MYO19: variants seen among roughly 807,000 people sequenced by gnomAD.
The protein encoded by MYO19 is unconventional myosin-XIX.
A neutral mutation model predicts 129.2 loss-of-function variants in MYO19; 132 were observed. The observed-to-expected ratio is 1.02, with a 90% CI of 0.89 to 1.18. MYO19 has a LOEUF of 1.18. MYO19 is among the 50% of genes most tolerant of loss of function. The pLI is 0.00. For synonymous variants in MYO19, 531 were observed against 477.2 expected, an observed-to-expected ratio of 1.11 and a Z score of -1.47; for missense variants, 1,210 against 1,216.7, an observed-to-expected ratio of 0.99 and a Z score of 0.08.
intron 6 of MYO19, among the ~76,000 whole-genome samples, chr17:36,524,694 T>C (rs934871185): frequency 2.0e-5 from 3 of 152,198 alleles, no homozygotes; most frequent in African/African-American, 7.2e-5. Flanking sequence ...ATAAACTTTT[T>C]CCCACAAGAA....
intron 3 of MYO19, 117 bp from the exon 4 acceptor site, chr17:36,528,319 T>G (rs777434232): frequency 8.4e-5 from 89 of 1,064,416 alleles, no homozygotes; most frequent in Non-Finnish European, 1.1e-4. Flanking sequence ...CCATCCTGGT[T>G]AACACGGTGA....
At chr17:36,510,404 G>A (rs943996405) in intron 13 of MYO19, among the ~76,000 whole-genome samples, 3 of 152,242 alleles carry the variant, frequency 2.0e-5, no homozygotes, top group Non-Finnish European at 4.4e-5. Context: ...AACTGCGAAG[G>A]CTCTAGATCA....
At chr17:36,535,595 A>C (rs1358797878), upstream of MYO19, 1 of 152,232 alleles carries the variant, frequency 6.6e-6, no homozygotes, top group African/African-American at 2.4e-5. Context: ...CATTTGGAGT[A>C]CGTGAGGTAT....
intron 6 of MYO19, among the ~76,000 whole-genome samples, chr17:36,517,175 T>C (rs964068868): frequency 1.3e-5 from 2 of 152,368 alleles, no homozygotes; most frequent in Non-Finnish European, 1.5e-5. Flanking sequence ...AAGATCTATA[T>C]TGATGTCTAC....
chr17:36,523,858 A>G (rs899539261), intron 6 of MYO19, among the ~76,000 whole-genome samples: 3 of 152,246 alleles, frequency 2.0e-5, no homozygotes, highest in Admixed American at 1.3e-4. Flanking sequence ...ATAAACTGAT[A>G]AAAGATGTGC....
chr17:36,530,526 G>C (rs1041324387), intron 3 of MYO19, among the ~76,000 whole-genome samples: 1 of 142,408 alleles, frequency 7.0e-6, no homozygotes, highest in Admixed American at 7.6e-5. Context: ...GCGCGATCTC[G>C]ACTCACTGCA....
intron 2 of MYO19, chr17:36,533,288 T>C (rs1005281934): frequency 6.6e-6 from 1 of 152,246 alleles, no homozygotes; most frequent in East Asian, 1.9e-4. Context: ...CTGTTAGCAC[T>C]ACGACTAAGG....
chr17:36,531,088 CAAAAATTAT>C (rs2073807670), intron 3 of MYO19, among the ~76,000 whole-genome samples: 1 of 150,698 alleles, frequency 6.6e-6, no homozygotes, highest in Admixed American at 6.6e-5. Context: ...AATAAATAAA[CAAAAATTAT>C]TAAAAAAAAT....
At chr17:36,523,630 G>A (rs2073283038) in intron 6 of MYO19, among the ~76,000 whole-genome samples, 1 of 152,098 alleles carries the variant, frequency 6.6e-6, no homozygotes, top group South Asian at 2.1e-4. Flanking sequence ...TATATTATAT[G>A]GCTCTGCTAT....
chr17:36,538,641 A>G, upstream of MYO19: 5 of 1,491,634 alleles, frequency 3.4e-6, no homozygotes, highest in Non-Finnish European at 4.6e-6. Context: ...ATATATAAGT[A>G]TTTGGGCAAT....
intron 11 of MYO19, chr17:36,512,643 C>T: frequency 7.8e-7 from 1 of 1,288,756 alleles, no homozygotes; most frequent in Non-Finnish European, 1.0e-6. Context: ...TACTGTCCTT[C>T]TGTCAAGTTC....
At position 36,499,664 on chromosome 17, in the gene MYO19, C is replaced by CTTTTTTTTTTTTTTTTTTTTTTTTTTTTT. The variant is rs879079228; in HGVS notation, c.2378-533_2378-505dup. 13 of 62,632 alleles carry CTTTTTTTTTTTTTTTTTTTTTTTTTTTTT rather than the reference C, an allele frequency of 2.1e-4. 3 individuals are homozygous for CTTTTTTTTTTTTTTTTTTTTTTTTTTTTT. Among genetic ancestry groups the CTTTTTTTTTTTTTTTTTTTTTTTTTTTTT allele is most frequent in the African/African-American group, 3.4e-4 (5 of 14,702 alleles). 3.9% of individuals were successfully genotyped at this position (62,632 alleles called of 1,614,324 possible). On this transcript the variant is annotated intron_variant, in intron 23 of 25. Coordinates refer to ENST00000614623, the MANE Select transcript of MYO19 (RefSeq NM_001163735.2). ...CAGCATATTCTTTTTCTTTTTGTTT[C>CTTTTTTTTTTTTTTTTTTTTTTTTTTTTT]TTTTTTTTTTTTTTTTTTTTTTTTT... is the stretch of plus-strand genomic sequence containing the variant.
At chr17:36,521,751 G>A (rs538999970) in intron 6 of MYO19, among the ~76,000 whole-genome samples, 54 of 152,158 alleles carry the variant, frequency 3.5e-4, no homozygotes, top group African/African-American at 1.1e-3. Context: ...ATAAAACCTC[G>A]GCCAGGCACA....
chr17:36,501,157 T>G lies in MYO19; in HGVS notation c.2159A>C (p.Gln720Pro). ...CGAGTCACCAGTTATGGCTGCTGCC[T>G]GAGTTAGGACCGGCAGAGTGTGGAG... Reference protein sequence around the residue: ...DILHTLPVLTQAAAITGDSAE... With the variant: ...DILHTLPVLTPAAAITGDSAE... Residue 720 changes from glutamine (Q) to proline (P), a missense_variant, in exon 22 of 26, where the codon CAG becomes CCG. Transcript: ENST00000614623. 1 of 1,614,012 alleles carries G rather than the reference T, an allele frequency of 6.2e-7. No homozygotes were observed. The highest frequency in any genetic ancestry group is 8.5e-7 in the Non-Finnish European group (1 of 1,179,880).
chr17:36,541,496 C>T (rs553921522), intron 2 of MYO19, among the ~76,000 whole-genome samples: 2 of 152,104 alleles, frequency 1.3e-5, no homozygotes, highest in Admixed American at 6.6e-5. Context: ...ACAGATAGAT[C>T]TCATTTATGC....
At position 36,495,924 on chromosome 17, in the gene MYO19, A is replaced by G; in HGVS notation, c.*327T>C. On this transcript the variant is annotated 3_prime_UTR_variant, in exon 26 of 26. Coordinates refer to ENST00000614623, the MANE Select transcript of MYO19 (RefSeq NM_001163735.2). ...TGGCTGTTTTCTTCCAAAAGTGCTT[A>G]TGTGGAATTGGGATCCCCAGTGTAG... 1 of 1,130,762 alleles carries G rather than the reference A, an allele frequency of 8.8e-7. No individual in the cohort carries two copies. Among genetic ancestry groups the G allele is most frequent in the Non-Finnish European group, 1.1e-6 (1 of 893,968 alleles). 70.0% of individuals were successfully genotyped at this position (1,130,762 alleles called of 1,614,324 possible).
chr17:36,543,455 G>C (rs2074211527), upstream of MYO19: 2 of 151,846 alleles, frequency 1.3e-5, no homozygotes, highest in Admixed American at 1.3e-4. Context: ...CCCCGGCCCA[G>C]AAGACATAAA....
rs775865243 is a variant in MYO19, at chr17:36,505,419, C to T, written c.1798-15G>A. On this transcript the variant is annotated splice_polypyrimidine_tract_variant and intron_variant, in intron 18 of 25. Coordinates refer to ENST00000614623, the MANE Select transcript of MYO19 (RefSeq NM_001163735.2). ...TCCAGTGAGGCCTGCAGATGAGAGA[C>T]CATGGGGTTAGGCAGGGAGAGGGGC... 1.2e-6 allele frequency: 2 copies of T among 1,609,144 alleles called. No homozygotes were observed. The highest frequency in any genetic ancestry group is 1.7e-6 in the Non-Finnish European group (2 of 1,175,990).
chr17:36,503,921 T>C (rs772925661), intron 20 of MYO19, 29 bp downstream of exon 20: 3 of 1,559,046 alleles, frequency 1.9e-6, no homozygotes, highest in South Asian at 1.2e-5. Flanking sequence ...GTACTGGCCC[T>C]GCACTGTGCC....
Sources: gnomAD v4.1 joint callset for allele counts (sites outside exome capture counted in the v4.1 genomes callset) on GRCh38, gnomAD v4.1.1 for gene constraint, MANE v1.5 for transcripts, NCBI Gene and HGNC (gene_info 2026-07-23, HGNC 2026-07-21) for gene names.